BRINP3: variants seen among roughly 807,000 people sequenced by gnomAD.
The protein encoded by BRINP3 is BMP/retinoic acid inducible neural specific 3.
A neutral mutation model predicts 71.0 loss-of-function variants in BRINP3; 19 were observed. The ratio of observed to expected loss-of-function variants is 0.27; its 90% CI spans 0.19 to 0.39. The LOEUF (loss-of-function observed/expected upper bound fraction) is 0.39. Among genes scored for constraint, BRINP3 ranks in the 10% least tolerant of loss-of-function variants. BRINP3 has a pLI of 1.00. For missense variants in BRINP3, 959 were observed against 940.8 expected (o/e 1.02, Z -0.25); for synonymous variants, 380 against 337.7 (o/e 1.13, Z -1.37).
chr1:190,133,279 A>G (rs1654693015), intron 7 of BRINP3, among the ~76,000 whole-genome samples: 1 of 152,148 alleles, frequency 6.6e-6, no homozygotes, highest in African/African-American at 2.4e-5. Flanking sequence ...ATAGGATACA[A>G]TTATAATGTA....
chr1:190,241,944 A>G (rs1161271097), intron 4 of BRINP3, among the ~76,000 whole-genome samples: 3 of 151,634 alleles, frequency 2.0e-5, no homozygotes, highest in African/African-American at 7.2e-5. Context: ...AAATGTTAAT[A>G]TTGAGTTTAA....
chr1:190,110,460 T>A (rs1372302200), intron 7 of BRINP3, among the ~76,000 whole-genome samples: 1 of 152,234 alleles, frequency 6.6e-6, no homozygotes, highest in Non-Finnish European at 1.5e-5. Flanking sequence ...GCTGCTCTAC[T>A]TTCTCTGGAT....
intron 7 of BRINP3, among the ~76,000 whole-genome samples, chr1:190,121,657 G>T (rs999052679): frequency 5.9e-5 from 9 of 152,028 alleles, no homozygotes; most frequent in African/African-American, 2.2e-4. Flanking sequence ...TAATATAAAA[G>T]TTTAGGCAGT....
Position 190,098,153 on chromosome 1 carries a change from A to G in BRINP3, c.2166T>C (p.Asp722=), listed in dbSNP as rs765220037. 2 of 1,614,160 alleles carry G rather than the reference A, an allele frequency of 1.2e-6. No homozygotes were observed. The highest frequency in any genetic ancestry group is 3.3e-5 in the Admixed American group (2 of 60,012). ...TATGACGAAGCAAGCAAGAGAAAAG[A>G]TCTAGACGACGCTGACCAGGTGGGG... The part of the protein sequence containing the change: ...KLSPPGQRRL[D]LFSCLLRHRL... The change falls in exon 8 of 8, where the codon GAT becomes GAC. Residue 722 remains aspartate (D), a synonymous_variant. Transcript: ENST00000367462.
At chr1:190,355,162 G>T (rs1668649662) in intron 2 of BRINP3, among the ~76,000 whole-genome samples, 1 of 151,784 alleles carries the variant, frequency 6.6e-6, no homozygotes, top group Admixed American at 6.6e-5. Flanking sequence ...ATTAAGTTTT[G>T]TAGCATTTCT....
At chr1:190,444,815 G>C (rs926309398) in intron 2 of BRINP3, among the ~76,000 whole-genome samples, 3 of 152,142 alleles carry the variant, frequency 2.0e-5, no homozygotes, top group African/African-American at 7.2e-5. Context: ...GATTACAGGC[G>C]TGAGCCACCG....
chr1:190,143,139 G>C (rs1274208045), intron 7 of BRINP3, among the ~76,000 whole-genome samples: 6 of 152,036 alleles, frequency 3.9e-5, no homozygotes, highest in Non-Finnish European at 8.8e-5. Context: ...GCTTGGAGTG[G>C]AGGAAAATAA....
chr1:190,200,893 TA>T (rs1654945293), intron 6 of BRINP3, among the ~76,000 whole-genome samples: 1 of 152,122 alleles, frequency 6.6e-6, no homozygotes. Context: ...TAAGTCCAAT[TA>T]AAAGCCTCTT....
At chr1:190,384,530 G>A (rs919647517) in intron 2 of BRINP3, among the ~76,000 whole-genome samples, 18 of 151,652 alleles carry the variant, frequency 1.2e-4, no homozygotes, top group African/African-American at 2.2e-4. Context: ...AAAATTTTAC[G>A]TTCAGGAGCT....
chr1:190,272,016 C>T (rs1010828718), intron 3 of BRINP3, among the ~76,000 whole-genome samples: 1 of 151,368 alleles, frequency 6.6e-6, no homozygotes, highest in African/African-American at 2.4e-5. Flanking sequence ...CATGTTGAGG[C>T]AATTAAAGAT....
intron 1 of BRINP3, among the ~76,000 whole-genome samples, chr1:190,459,787 C>T (rs1676261355): frequency 6.6e-6 from 1 of 151,930 alleles, no homozygotes; most frequent in African/African-American, 2.4e-5. Context: ...TTTCAGAAAA[C>T]CATTGTATCA....
intron 7 of BRINP3, among the ~76,000 whole-genome samples, chr1:190,111,638 T>C: frequency 6.6e-6 from 1 of 152,174 alleles, no homozygotes; most frequent in East Asian, 1.9e-4. Context: ...CTTACTCCTT[T>C]AGTCAACAGA....
chr1:190,302,620 C>G (rs1172070846), intron 2 of BRINP3: 2 of 151,708 alleles, frequency 1.3e-5, no homozygotes, highest in Non-Finnish European at 3.0e-5. Context: ...CCTTAAAAAT[C>G]CCCTCATAAA....
In BRINP3 at chr1:190,192,935, T is replaced by C. The variant is rs117687057; in HGVS notation, c.962-32045A>G. Among the ~76,000 whole-genome samples the C allele has an allele frequency of 5.5e-4, 83 of 152,252 alleles. 1 individual carries two copies. In the East Asian group the frequency reaches 0.015, roughly 28 times the overall value. ...GTTTTATGTTTTGCTTAAACTTTTA[T>C]ATTTTTATTTTCATTTGGTGAGTGA... On this transcript the variant is annotated intron_variant, in intron 6 of 7. Coordinates refer to ENST00000367462, the MANE Select transcript of BRINP3 (RefSeq NM_199051.3).
intron 2 of BRINP3, among the ~76,000 whole-genome samples, chr1:190,314,144 C>A (rs201316268): frequency 6.6e-6 from 1 of 151,802 alleles, no homozygotes; most frequent in Non-Finnish European, 1.5e-5. Flanking sequence ...ACTTCATAGA[C>A]CTTGATGTCT....
chr1:190,234,726 G>C (rs1658354448), intron 4 of BRINP3, among the ~76,000 whole-genome samples: 1 of 151,898 alleles, frequency 6.6e-6, no homozygotes, highest in African/African-American at 2.4e-5. Context: ...TGCCATCTTT[G>C]TTCAAAAGCA....
At chr1:190,301,033 A>T (rs976051372) in intron 2 of BRINP3, among the ~76,000 whole-genome samples, 3 of 151,610 alleles carry the variant, frequency 2.0e-5, no homozygotes, top group Non-Finnish European at 4.4e-5. Context: ...CTTTGAAAAA[A>T]ATTTAAAGAG....
intron 2 of BRINP3, among the ~76,000 whole-genome samples, chr1:190,427,791 T>C (rs1224098619): frequency 6.6e-6 from 1 of 151,820 alleles, no homozygotes; most frequent in African/African-American, 2.4e-5. Flanking sequence ...CTTACACAGG[T>C]AAACTTGTGT....
Position 190,267,822 on chromosome 1 carries a change from C to T in BRINP3, c.428-2767G>A, listed in dbSNP as rs184037960. ...AGATTAGGTGTTACAGAACACCTTC[C>T]CCACAACCCCCCAAAAAATTAACAT... On this transcript the variant is annotated intron_variant, in intron 3 of 7. Coordinates refer to ENST00000367462, the MANE Select transcript of BRINP3 (RefSeq NM_199051.3). Among the ~76,000 whole-genome samples the T allele has an allele frequency of 2.1e-3, 317 of 151,990 alleles. 3 individuals carry two copies. The highest frequency in any genetic ancestry group is 8.1e-3 in the Admixed American group (123 of 15,260).
Sources: allele counts gnomAD v4.1 joint callset (sites outside exome capture counted in the v4.1 genomes callset), GRCh38; gene constraint gnomAD v4.1.1; transcripts MANE v1.5; gene names NCBI Gene and HGNC (gene_info 2026-07-23, HGNC 2026-07-21).